RALY: variants seen among roughly 807,000 people sequenced by gnomAD.
The protein encoded by RALY is RALY heterogeneous nuclear ribonucleoprotein, also known as RNA-binding protein Raly.
RALY carries 15 observed loss-of-function variants against 30.7 expected under a neutral mutation model. The ratio of observed to expected loss-of-function variants is 0.49; its 90% confidence interval spans 0.33 to 0.75. The LOEUF (loss-of-function observed/expected upper bound fraction) is 0.75. Among genes scored for constraint, RALY ranks in the 30% least tolerant of loss-of-function variants. The pLI, the probability that RALY is intolerant of heterozygous loss-of-function variation, is 0.02. For missense variants in RALY, 339 were observed against 414.3 expected (o/e 0.82, Z 1.58); for synonymous variants, 177 against 170.8 (o/e 1.04, Z -0.28).
At chr20:34,032,031 C>T (rs1245558214) in intron 2 of RALY, among the ~76,000 whole-genome samples, 9 of 152,174 alleles carry the variant, frequency 5.9e-5, no homozygotes, top group African/African-American at 1.7e-4. Context: ...GGCACGATCT[C>T]GGCTCAATGC....
At chr20:34,076,902 G>A in intron 7 of RALY, 87 bp downstream of exon 7, 1 of 1,588,228 alleles carries the variant, frequency 6.3e-7, no homozygotes, top group African/African-American at 1.3e-5. Context: ...GAGGAGCTAG[G>A]GTGGCCCTGC....
At chr20:34,003,292 CTTCCTCACAATGGT>C (rs1305540039) in intron 1 of RALY, among the ~76,000 whole-genome samples, 1 of 152,184 alleles carries the variant, frequency 6.6e-6, no homozygotes, top group South Asian at 2.1e-4. Flanking sequence ...CATATCTTGC[CTTCCTCACAATGGT>C]ATTGTGAGGA....
At chr20:34,076,912 C>T in intron 7 of RALY, 97 bp downstream of exon 7, 1 of 1,587,478 alleles carries the variant, frequency 6.3e-7, no homozygotes, top group Non-Finnish European at 8.6e-7. Context: ...GGTGGCCCTG[C>T]AGATCCTGGA....
At chr20:34,035,501 A>G (rs2032461523) in intron 2 of RALY, among the ~76,000 whole-genome samples, 1 of 152,054 alleles carries the variant, frequency 6.6e-6, no homozygotes, top group South Asian at 2.1e-4. Flanking sequence ...AGAACCCAGA[A>G]GAATCTGGCT....
intron 2 of RALY, among the ~76,000 whole-genome samples, chr20:34,035,859 C>T (rs1288110278): frequency 6.6e-6 from 1 of 152,108 alleles, no homozygotes; most frequent in Non-Finnish European, 1.5e-5. Flanking sequence ...TAAAGAAGGC[C>T]TCTCAGAAAA....
At chr20:34,068,234 A>G (rs933421636) in intron 2 of RALY, among the ~76,000 whole-genome samples, 1 of 152,204 alleles carries the variant, frequency 6.6e-6, no homozygotes, top group African/African-American at 2.4e-5. Flanking sequence ...TCTGTGAGGC[A>G]GAGCTTGGCC....
At chr20:34,023,617 G>A (rs899953121) in intron 1 of RALY, among the ~76,000 whole-genome samples, 17 of 152,100 alleles carry the variant, frequency 1.1e-4, no homozygotes, top group Admixed American at 9.2e-4. Context: ...GACTAAGGCA[G>A]GGGCTCTCAT....
At chr20:34,049,873 A>G (rs1476228896) in intron 2 of RALY, among the ~76,000 whole-genome samples, 10 of 152,200 alleles carry the variant, frequency 6.6e-5, no homozygotes, top group South Asian at 2.1e-4. Flanking sequence ...CTTTCTTTCT[A>G]TCCCCTACTT....
rs1416862426 is a variant in RALY at position 34,049,501 on chromosome 20, G to GT, written c.-10+17898dup. ...TAGTAAAGGAACAGTTACCTCTGCTGTAAGAAGTCAGAATTGAGCTGTGTG... is the reference window on the plus strand; with the variant it reads ...TAGTAAAGGAACAGTTACCTCTGCTGTTAAGAAGTCAGAATTGAGCTGTGTG... On this transcript the variant is annotated intron_variant, in intron 2 of 9. Transcript: ENST00000246194. Among the ~76,000 whole-genome samples, 7 of 152,308 alleles carry GT rather than the reference G, an allele frequency of 4.6e-5. No homozygotes were observed. In the South Asian group the frequency reaches 1.2e-3, roughly 27 times the overall value.
chr20:34,045,303 G>A (rs1465093006), intron 2 of RALY, among the ~76,000 whole-genome samples: 5 of 152,212 alleles, frequency 3.3e-5, no homozygotes, highest in Non-Finnish European at 5.9e-5. Flanking sequence ...ATAAGCAGGA[G>A]TAAAATGTTA....
chr20:34,078,694 C>A, intron 9 of RALY, 141 bp downstream of exon 9: 1 of 701,962 alleles, frequency 1.4e-6, no homozygotes, highest in East Asian at 3.4e-5. Context: ...GAAGTCCCCT[C>A]CATATCTAGC....
chr20:34,052,515 TA>T (rs1397445720), intron 2 of RALY, among the ~76,000 whole-genome samples: 1 of 152,218 alleles, frequency 6.6e-6, no homozygotes, highest in Non-Finnish European at 1.5e-5. Context: ...CAGCAAATCC[TA>T]AAATTACAGA....
chr20:34,073,479 A>C, intron 3 of RALY, 84 bp from the exon 4 acceptor site: 1 of 1,266,444 alleles, frequency 7.9e-7, no homozygotes, highest in Non-Finnish European at 1.2e-6. Context: ...TAAGCACATG[A>C]ATTGCTGTGC....
chr20:34,076,313 T>C (rs1318810609), intron 6 of RALY: 1 of 532,016 alleles, frequency 1.9e-6, no homozygotes, highest in East Asian at 3.3e-5. Flanking sequence ...AGGACAGGTC[T>C]ACCCAGGCCC....
chr20:34,006,002 C>A (rs1251419540), intron 1 of RALY, among the ~76,000 whole-genome samples: 1 of 152,156 alleles, frequency 6.6e-6, no homozygotes, highest in Non-Finnish European at 1.5e-5. Context: ...TTGAAGGTGT[C>A]ATTGGTTGCT....
At chr20:34,009,396 G>C (rs1016017501) in intron 1 of RALY, among the ~76,000 whole-genome samples, 1 of 151,962 alleles carries the variant, frequency 6.6e-6, no homozygotes, top group Non-Finnish European at 1.5e-5. Context: ...GCGCCACCAT[G>C]CCTGGCTAAT....
chr20:34,005,914 T>G (rs1002496135), intron 1 of RALY, among the ~76,000 whole-genome samples: 6 of 152,252 alleles, frequency 3.9e-5, no homozygotes, highest in Non-Finnish European at 7.3e-5. Flanking sequence ...TCCATGTCTT[T>G]TTATGTTTTG....
At chr20:34,066,935 G>C in intron 2 of RALY, among the ~76,000 whole-genome samples, 1 of 152,314 alleles carries the variant, frequency 6.6e-6, no homozygotes, top group East Asian at 1.9e-4. Flanking sequence ...ACCAAGGAGA[G>C]CGTGTGTGGC....
At chr20:34,018,787 T>C (rs2031705613) in intron 1 of RALY, among the ~76,000 whole-genome samples, 1 of 152,192 alleles carries the variant, frequency 6.6e-6, no homozygotes, top group Non-Finnish European at 1.5e-5. Flanking sequence ...CTAATCTCAA[T>C]AGAGGTTCCT....
Sources: gnomAD v4.1 joint callset for allele counts (sites outside exome capture counted in the v4.1 genomes callset) on GRCh38, gnomAD v4.1.1 for gene constraint, MANE v1.5 for transcripts, NCBI Gene and HGNC (gene_info 2026-07-23, HGNC 2026-07-21) for gene names.